The following RIC1 variants were observed in gnomAD, a reference collection of about 807,000 sequenced individuals.
RIC1 encodes RIC1 partner of RAB6A GEF complex.
In RIC1, 88 loss-of-function variants were observed where a neutral mutation model predicts 169.0. The ratio of observed to expected loss-of-function variants is 0.52; its 90% confidence interval spans 0.44 to 0.62. RIC1 has a LOEUF of 0.62. Ranked by LOEUF, RIC1 falls within the 20% of genes least tolerant of loss-of-function variation. The pLI is 0.00. For synonymous variants in RIC1, 790 were observed against 601.5 expected (o/e 1.31, Z -4.59); for missense variants, 1,877 against 1,725.5 (o/e 1.09, Z -1.56).
intron 6 of RIC1, among the ~76,000 whole-genome samples, chr9:5,727,443 C>A (rs1042746243): frequency 7.9e-5 from 12 of 152,154 alleles, no homozygotes; most frequent in Non-Finnish European, 1.8e-4. Context: ...TTTGTCTAAT[C>A]TTTTTTCAAG....
chr9:5,643,724 T>C (rs1295362690), intron 1 of RIC1, among the ~76,000 whole-genome samples: 1 of 152,222 alleles, frequency 6.6e-6, no homozygotes, highest in African/African-American at 2.4e-5. Context: ...TCATCTAAAA[T>C]GGTGATATAG....
At position 5,765,787 on chromosome 9, in the gene RIC1, C is replaced by T; in HGVS notation, c.3126C>T (p.Pro1042=). 1.9e-6 allele frequency: 3 copies of T among 1,613,956 alleles called. No individual in the cohort carries two copies. Among genetic ancestry groups the T allele is most frequent in the East Asian group, 2.2e-5 (1 of 44,876 alleles). ...LQKTLSMPSG[P]SGKRWSKDSD... Reference sequence around the variant, plus strand: ...AAACACTAAGTATGCCATCTGGTCCCTCTGGAAAAAGGTAAAATAATAAAG... The same window carrying T: ...AAACACTAAGTATGCCATCTGGTCCTTCTGGAAAAAGGTAAAATAATAAAG... Residue 1042 remains proline, a synonymous_variant, in exon 21 of 26, where the codon CCC becomes CCT. Transcript: ENST00000414202.
At chr9:5,745,481 C>G (rs1254731060) in intron 10 of RIC1, among the ~76,000 whole-genome samples, 4 of 152,150 alleles carry the variant, frequency 2.6e-5, no homozygotes, top group South Asian at 2.1e-4. Context: ...AATGAAGACT[C>G]TAGTCTCACA....
intron 7 of RIC1, 93 bp from the exon 8 acceptor site, chr9:5,738,357 C>G: frequency 1.2e-6 from 1 of 814,132 alleles, no homozygotes; most frequent in South Asian, 1.6e-5. Flanking sequence ...TTCTAGTTTA[C>G]ACTCCCACCA....
rs148505238 is a variant in RIC1, at chr9:5,683,910, G to A, written c.253-6049G>A. On this transcript the variant is annotated intron_variant, in intron 2 of 25. Transcript: ENST00000414202. The stretch of plus-strand genomic sequence containing the variant: ...GATCTCAGACTGCTGTGCTAGCAAT[G>A]AGCGAGGCTCCGTGGGCATAGGACC... Among the ~76,000 whole-genome samples the A allele has an allele frequency of 7.1e-3, 1,082 of 152,298 alleles. 36 individuals carry two copies. Among genetic ancestry groups the A allele is most frequent in the Admixed American group, 0.048 (729 of 15,302 alleles).
chr9:5,758,037 C>CA (rs947690335), intron 17 of RIC1, among the ~76,000 whole-genome samples: 1 of 151,992 alleles, frequency 6.6e-6, no homozygotes, highest in African/African-American at 2.4e-5. Context: ...TGAAGTAAGA[C>CA]AAAACTACTG....
chr9:5,664,421 A>AT (rs1421376285), intron 2 of RIC1, among the ~76,000 whole-genome samples: 5 of 152,116 alleles, frequency 3.3e-5, no homozygotes, highest in African/African-American at 1.2e-4. Context: ...AAAAAAAAAA[A>AT]GAATGTTTAA....
chr9:5,755,882 C>T (rs1461096928), intron 15 of RIC1, among the ~76,000 whole-genome samples: 15 of 152,006 alleles, frequency 9.9e-5, no homozygotes, highest in Non-Finnish European at 1.5e-4. Context: ...GAGATCATGC[C>T]ACTGCACTCC....
chr9:5,721,851 A>C (rs1183547089), intron 6 of RIC1, among the ~76,000 whole-genome samples: 1 of 151,522 alleles, frequency 6.6e-6, no homozygotes, highest in Non-Finnish European at 1.5e-5. Context: ...AGCTTTTTCA[A>C]ACATATTAGC....
chr9:5,751,437 C>T (rs988373474), intron 12 of RIC1, among the ~76,000 whole-genome samples: 4 of 151,798 alleles, frequency 2.6e-5, no homozygotes, highest in African/African-American at 9.7e-5. Context: ...CTCACTGCAA[C>T]CTCCGCCTCC....
chr9:5,641,420 C>T (rs949333437), intron 1 of RIC1, among the ~76,000 whole-genome samples: 4 of 152,050 alleles, frequency 2.6e-5, no homozygotes, highest in Non-Finnish European at 4.4e-5. Context: ...TAGGTTAAAT[C>T]TGCTTGGCGT....
chr9:5,725,652 G>C (rs989824090), intron 6 of RIC1, among the ~76,000 whole-genome samples: 1 of 151,974 alleles, frequency 6.6e-6, no homozygotes, highest in Non-Finnish European at 1.5e-5. Flanking sequence ...TGTGATGTTA[G>C]GGTGTCAATT....
intron 2 of RIC1, among the ~76,000 whole-genome samples, chr9:5,685,875 C>T (rs1286641957): frequency 2.8e-5 from 4 of 140,992 alleles, no homozygotes; most frequent in Non-Finnish European, 6.3e-5. Flanking sequence ...GCAACCTACT[C>T]ATCTGACAAA....
In RIC1 at chr9:5,629,657, G is replaced by A. The variant is rs34816443; in HGVS notation, c.144+204G>A. On this transcript the variant is annotated intron_variant, in intron 1 of 25. Transcript: ENST00000414202. ...GTCCTCCAGCCGGCGGTCCGGGGTG[G>A]ATGAAGTCGCTGCTGCCGAAAATCC... Among the ~76,000 whole-genome samples the A allele has an allele frequency of 0.13, 20,430 of 152,146 alleles. 2,236 individuals are homozygous for A. Among genetic ancestry groups the A allele is most frequent in the African/African-American group, 0.3 (12,561 of 41,476 alleles).
chr9:5,721,236 C>A (rs1823566842), intron 6 of RIC1, among the ~76,000 whole-genome samples: 1 of 152,150 alleles, frequency 6.6e-6, no homozygotes, highest in East Asian at 1.9e-4. Context: ...CCATTAGTAC[C>A]GAAACCATGT....
At chr9:5,671,729 C>T (rs574105968) in intron 2 of RIC1, among the ~76,000 whole-genome samples, 1 of 152,190 alleles carries the variant, frequency 6.6e-6, no homozygotes, top group Non-Finnish European at 1.5e-5. Context: ...ATTCCTAACT[C>T]CTCTCCTCTT....
chr9:5,643,136 A>G (rs972258882), intron 1 of RIC1, among the ~76,000 whole-genome samples: 10 of 152,106 alleles, frequency 6.6e-5, no homozygotes, highest in African/African-American at 2.4e-4. Context: ...CCCCATCTCT[A>G]TAAAAAATAA....
At chr9:5,660,937 C>T (rs960061649) in intron 2 of RIC1, among the ~76,000 whole-genome samples, 3 of 152,080 alleles carry the variant, frequency 2.0e-5, no homozygotes, top group African/African-American at 7.2e-5. Context: ...GTGCCTGTGT[C>T]CCAAATGGTA....
At chr9:5,659,232 G>T (rs1010796626) in intron 2 of RIC1, among the ~76,000 whole-genome samples, 4 of 152,004 alleles carry the variant, frequency 2.6e-5, no homozygotes, top group African/African-American at 9.7e-5. Flanking sequence ...ATTTCTGGAT[G>T]CTCCATTCTG....
Sources: allele counts gnomAD v4.1 joint callset (sites outside exome capture counted in the v4.1 genomes callset), GRCh38; gene constraint gnomAD v4.1.1; transcripts MANE v1.5; gene names NCBI Gene and HGNC (gene_info 2026-07-23, HGNC 2026-07-21).